The following NR6A1 variants were observed in gnomAD, a reference collection of about 807,000 sequenced individuals.
The protein encoded by NR6A1 is retinoic acid receptor-related testis-associated receptor.
In NR6A1, 7 loss-of-function variants were observed where a neutral mutation model predicts 59.1. The observed-to-expected ratio is 0.12, with a 90% CI of 0.07 to 0.22. The LOEUF (loss-of-function observed/expected upper bound fraction) is 0.22, where lower values mean the gene tolerates loss of function less well. Among genes scored for constraint, NR6A1 ranks in the 10% least tolerant of loss-of-function variants. The pLI is 1.00. For missense variants in NR6A1, 468 were observed against 611.6 expected, an observed-to-expected ratio of 0.77 and a Z score of 2.48; for synonymous variants, 243 against 236.1, an observed-to-expected ratio of 1.03 and a Z score of -0.27.
At chr9:124,525,697 C>CTATATA (rs1401027861) in intron 8 of NR6A1, among the ~76,000 whole-genome samples, 1 of 149,260 alleles carries the variant, frequency 6.7e-6, no homozygotes, top group African/African-American at 2.5e-5. Flanking sequence ...CTCTCTCTCT[C>CTATATA]TCTATATATA....
intron 2 of NR6A1, among the ~76,000 whole-genome samples, chr9:124,584,822 C>T (rs891994626): frequency 1.5e-4 from 23 of 152,134 alleles, no homozygotes; most frequent in African/African-American, 5.3e-4. Context: ...AGCCACGTCT[C>T]TCACTTTAAA....
At chr9:124,692,542 G>A (rs772823559) in intron 2 of NR6A1, 1 of 523,206 alleles carries the variant, frequency 1.9e-6, no homozygotes, top group East Asian at 5.5e-5. Context: ...ACTGTACCTT[G>A]GGGTCCTTAC....
chr9:124,697,876 A>C (rs1300238842), intron 2 of NR6A1, among the ~76,000 whole-genome samples: 1 of 152,206 alleles, frequency 6.6e-6, no homozygotes, highest in Non-Finnish European at 1.5e-5. Context: ...TAAATAGGAG[A>C]TACAACAATA....
At chr9:124,633,959 G>C (rs2130886598) in intron 2 of NR6A1, among the ~76,000 whole-genome samples, 1 of 152,332 alleles carries the variant, frequency 6.6e-6, no homozygotes, top group East Asian at 1.9e-4. Context: ...TAAAGGAACA[G>C]ACAATACAGT....
chr9:124,685,947 TA>T (rs1350251063), intron 2 of NR6A1, among the ~76,000 whole-genome samples: 2 of 152,322 alleles, frequency 1.3e-5, no homozygotes, highest in East Asian at 3.9e-4. Context: ...CACACATTTT[TA>T]AATAAAAGTT....
intron 2 of NR6A1, among the ~76,000 whole-genome samples, chr9:124,663,083 A>G (rs1837495699): frequency 6.6e-6 from 1 of 152,210 alleles, no homozygotes; most frequent in Non-Finnish European, 1.5e-5. Context: ...TTTTCCAAGA[A>G]ACATTTTAAA....
At chr9:124,630,834 AC>A (rs1388582015) in intron 2 of NR6A1, among the ~76,000 whole-genome samples, 3 of 151,564 alleles carry the variant, frequency 2.0e-5, no homozygotes, top group African/African-American at 7.3e-5. Context: ...ATGGGCCACC[AC>A]ATCCTGCTGA....
intron 2 of NR6A1, among the ~76,000 whole-genome samples, chr9:124,562,599 TTTTTTG>T (rs1425714520): frequency 9.9e-5 from 15 of 151,550 alleles, no homozygotes; most frequent in African/African-American, 2.7e-4. Context: ...CTGGCAAGAG[TTTTTTG>T]TTTTTAAGTC....
intron 2 of NR6A1, among the ~76,000 whole-genome samples, chr9:124,590,456 C>G (rs543359477): frequency 6.6e-6 from 1 of 152,134 alleles, no homozygotes; most frequent in East Asian, 1.9e-4. Context: ...AAAAGCTCCA[C>G]TTTTTAAGTG....
intron 7 of NR6A1, among the ~76,000 whole-genome samples, chr9:124,535,590 A>C (rs1051351092): frequency 6.6e-6 from 1 of 152,180 alleles, no homozygotes; most frequent in African/African-American, 2.4e-5. Context: ...AAAATAAATT[A>C]ATTTAAAAAA....
At chr9:124,609,208 C>T (rs976315893) in intron 2 of NR6A1, among the ~76,000 whole-genome samples, 5 of 152,118 alleles carry the variant, frequency 3.3e-5, no homozygotes, top group African/African-American at 1.2e-4. Flanking sequence ...AATGGTCCTG[C>T]CTACGTTTTC....
intron 2 of NR6A1, among the ~76,000 whole-genome samples, chr9:124,596,252 C>A (rs190711689): frequency 3.2e-4 from 48 of 151,468 alleles, no homozygotes; most frequent in Non-Finnish European, 5.2e-4. Flanking sequence ...CAAAACCTTT[C>A]GGTCTAAGGA....
intron 2 of NR6A1, among the ~76,000 whole-genome samples, chr9:124,663,685 A>G (rs1837517842): frequency 6.6e-6 from 1 of 152,206 alleles, no homozygotes; most frequent in Non-Finnish European, 1.5e-5. Flanking sequence ...GAAGGGTTCC[A>G]GGCTGGTTCA....
chr9:124,700,405 A>C (rs1433557150), intron 2 of NR6A1, among the ~76,000 whole-genome samples: 1 of 149,210 alleles, frequency 6.7e-6, no homozygotes, highest in East Asian at 2.0e-4. Context: ...TTTTTTAGTA[A>C]AGATGGGGTT....
chr9:124,755,596 T>C (rs77089785), intron 1 of NR6A1, among the ~76,000 whole-genome samples: 246 of 152,324 alleles, frequency 1.6e-3, no homozygotes, highest in African/African-American at 5.7e-3. Context: ...ACTTTTCTTA[T>C]AGCAACAATG....
intron 2 of NR6A1, among the ~76,000 whole-genome samples, chr9:124,573,161 C>G (rs1029078923): frequency 3.3e-5 from 5 of 152,102 alleles, no homozygotes; most frequent in Non-Finnish European, 2.9e-5. Flanking sequence ...TCTCTGAATC[C>G]CCCCTGGGTA....
chr9:124,731,188 G>A (rs941931840), intron 2 of NR6A1, among the ~76,000 whole-genome samples: 4 of 151,984 alleles, frequency 2.6e-5, no homozygotes, highest in Admixed American at 6.6e-5. Flanking sequence ...TGACCAATAT[G>A]GTGAAACCCC....
At position 124,700,977 on chromosome 9, in the gene NR6A1, T is replaced by G. The variant is rs528843434; in HGVS notation, c.142+32331A>C. On this transcript the variant is annotated intron_variant, in intron 2 of 9. Coordinates refer to ENST00000487099, the MANE Select transcript of NR6A1 (RefSeq NM_033334.4). ...GGTTTCTCCATGTTGGCCAGGCGGG[T>G]CTCAAACTCCTGACCTCAGGTGACC... 1.1e-3 allele frequency among the ~76,000 whole-genome samples: 175 copies of G among 152,196 alleles called. 1 individual carries two copies. Among genetic ancestry groups the G allele is most frequent in the African/African-American group, 3.8e-3 (159 of 41,518 alleles).
chr9:124,585,371 T>C (rs985624423), intron 2 of NR6A1, among the ~76,000 whole-genome samples: 1 of 151,908 alleles, frequency 6.6e-6, no homozygotes, highest in Non-Finnish European at 1.5e-5. Flanking sequence ...AAACCCCGTC[T>C]CTACTAAAAA....
Sources: gnomAD v4.1 joint callset for allele counts (sites outside exome capture counted in the v4.1 genomes callset) on GRCh38, gnomAD v4.1.1 for gene constraint, MANE v1.5 for transcripts, NCBI Gene and HGNC (gene_info 2026-07-23, HGNC 2026-07-21) for gene names.